FRMD3: variants seen among roughly 807,000 people sequenced by gnomAD.
FRMD3 encodes the protein FERM domain-containing protein 3.
In FRMD3, 33 loss-of-function variants were observed where a neutral mutation model predicts 70.2. That is an observed-to-expected ratio of 0.47 (90% CI 0.36 to 0.63). The LOEUF is 0.63. Among genes scored for constraint, FRMD3 ranks in the 20% least tolerant of loss-of-function variants. FRMD3 has a pLI of 0.00. For synonymous variants in FRMD3, 279 were observed against 255.9 expected (o/e 1.09, Z -0.86); for missense variants, 632 against 711.4 (o/e 0.89, Z 1.27).
At chr9:83,267,251 A>C in intron 13 of FRMD3, 4 of 1,511,566 alleles carry the variant, frequency 2.6e-6, no homozygotes, top group Non-Finnish European at 3.6e-6. Context: ...AATGAATCAA[A>C]TGTCAGGTTC....
intron 4 of FRMD3, among the ~76,000 whole-genome samples, chr9:83,347,765 A>G (rs1308939297): frequency 6.6e-6 from 1 of 152,220 alleles, no homozygotes; most frequent in Non-Finnish European, 1.5e-5. Flanking sequence ...AAGAAAAACT[A>G]AATGCCTTCA....
chr9:83,515,216 A>C (rs1829428774), intron 1 of FRMD3, among the ~76,000 whole-genome samples: 1 of 152,244 alleles, frequency 6.6e-6, no homozygotes, highest in Non-Finnish European at 1.5e-5. Context: ...GAAGCTAAGA[A>C]CGTTGATAAA....
intron 1 of FRMD3, among the ~76,000 whole-genome samples, chr9:83,433,053 A>G (rs1003208501): frequency 1.3e-5 from 2 of 152,228 alleles, no homozygotes; most frequent in Non-Finnish European, 2.9e-5. Flanking sequence ...CAAGTTGCCA[A>G]AAAAGACATC....
chr9:83,388,488 C>T (rs1352432723), intron 2 of FRMD3, among the ~76,000 whole-genome samples: 1 of 152,186 alleles, frequency 6.6e-6, no homozygotes, highest in African/African-American at 2.4e-5. Flanking sequence ...TGGCTGGGAA[C>T]TCTGAGCCCA....
At chr9:83,553,068 T>G in the FRMD3 span, among the ~76,000 whole-genome samples, 1 of 152,192 alleles carries the variant, frequency 6.6e-6, no homozygotes, top group Non-Finnish European at 1.5e-5. Context: ...GTGTGGCTAC[T>G]TTACAGTTAC....
chr9:83,372,850 C>T, intron 3 of FRMD3, 63 bp downstream of exon 3: 1 of 1,441,780 alleles, frequency 6.9e-7, no homozygotes, highest in Admixed American at 1.7e-5. Flanking sequence ...GAAAGTTTGT[C>T]AGGGAACAGT....
intron 1 of FRMD3, among the ~76,000 whole-genome samples, chr9:83,504,512 C>T (rs1424943736): frequency 6.6e-6 from 1 of 152,138 alleles, no homozygotes; most frequent in East Asian, 1.9e-4. Flanking sequence ...TCACATTCCT[C>T]ACACTCGCCA....
intron 1 of FRMD3, among the ~76,000 whole-genome samples, chr9:83,429,384 T>C (rs1015659456): frequency 2.0e-5 from 3 of 152,170 alleles, no homozygotes; most frequent in African/African-American, 7.2e-5. Context: ...TATTAATCCA[T>C]CTCCAGCTTT....
At position 83,323,344 on chromosome 9, in the gene FRMD3, C is replaced by G. The variant is rs74305404; in HGVS notation, c.597-9597G>C. On this transcript the variant is annotated intron_variant, in intron 6 of 13. Coordinates refer to ENST00000304195, the MANE Select transcript of FRMD3 (RefSeq NM_174938.6). Reference sequence around the variant, plus strand: ...AGGCATGAAAATTGCTGACTTAAAGCTACACGCTATGAGATGAATGAATAT... The same window carrying G: ...AGGCATGAAAATTGCTGACTTAAAGGTACACGCTATGAGATGAATGAATAT... Among the ~76,000 whole-genome samples, 8 of 152,236 alleles carry G rather than the reference C, an allele frequency of 5.3e-5. No homozygotes were observed. In the South Asian group the frequency reaches 1.7e-3, roughly 32 times the overall value.
intron 1 of FRMD3, among the ~76,000 whole-genome samples, chr9:83,418,797 A>G (rs1826532619): frequency 6.6e-6 from 1 of 152,226 alleles, no homozygotes; most frequent in East Asian, 1.9e-4. Flanking sequence ...CCAGAGGAAA[A>G]GAAGTCATTA....
intron 10 of FRMD3, among the ~76,000 whole-genome samples, chr9:83,305,039 A>T (rs1192739077): frequency 6.6e-6 from 1 of 152,254 alleles, no homozygotes; most frequent in Non-Finnish European, 1.5e-5. Flanking sequence ...ATTCGCAAGC[A>T]GAGGCCCCGG....
intron 1 of FRMD3, among the ~76,000 whole-genome samples, chr9:83,510,991 T>G (rs906069288): frequency 1.3e-5 from 2 of 152,218 alleles, no homozygotes; most frequent in African/African-American, 4.8e-5. Context: ...AATTATACAC[T>G]TTAGGTGAAT....
chr9:83,353,000 G>C (rs772417285), intron 3 of FRMD3, among the ~76,000 whole-genome samples: 29 of 152,140 alleles, frequency 1.9e-4, no homozygotes, highest in Admixed American at 4.6e-4. Flanking sequence ...TGAACCCCTT[G>C]GCAGAGAAGG....
At chr9:83,550,687 AGTGTGT>A in the FRMD3 span, among the ~76,000 whole-genome samples, 566 of 138,944 alleles carry the variant, frequency 4.1e-3, 3 homozygotes, top group South Asian at 6.9e-3. Flanking sequence ...AGTCCTAGGT[AGTGTGT>A]GTGTGTGTGT....
intron 13 of FRMD3, among the ~76,000 whole-genome samples, chr9:83,254,658 G>A (rs1832609862): frequency 6.6e-6 from 1 of 151,868 alleles, no homozygotes; most frequent in African/African-American, 2.4e-5. Flanking sequence ...AAAAATAGAA[G>A]AGTCAAATAA....
At chr9:83,332,821 C>A (rs768325854) in intron 6 of FRMD3, among the ~76,000 whole-genome samples, 3 of 152,184 alleles carry the variant, frequency 2.0e-5, no homozygotes, top group Non-Finnish European at 2.9e-5. Context: ...CACACACCAT[C>A]CCTAGCTAAG....
the FRMD3 span, among the ~76,000 whole-genome samples, chr9:83,583,972 T>G: frequency 6.6e-6 from 1 of 152,204 alleles, no homozygotes; most frequent in Admixed American, 6.5e-5. Flanking sequence ...CCTTGCCTCT[T>G]CAGCCTCCTT....
At chr9:83,362,331 G>A (rs1198151466) in intron 3 of FRMD3, among the ~76,000 whole-genome samples, 2 of 152,216 alleles carry the variant, frequency 1.3e-5, no homozygotes, top group East Asian at 3.8e-4. Flanking sequence ...GAAGTACCAA[G>A]ACTATCACCA....
intron 2 of FRMD3, among the ~76,000 whole-genome samples, chr9:83,381,058 G>A (rs1268269288): frequency 6.6e-6 from 1 of 151,948 alleles, no homozygotes; most frequent in East Asian, 1.9e-4. Flanking sequence ...CTCTTCTGGG[G>A]AAAAAAGAAT....
Sources: allele counts gnomAD v4.1 joint callset (sites outside exome capture counted in the v4.1 genomes callset), GRCh38; gene constraint gnomAD v4.1.1; transcripts MANE v1.5; gene names NCBI Gene and HGNC (gene_info 2026-07-23, HGNC 2026-07-21).